The following IPCEF1 variants were observed in gnomAD, a reference collection of about 807,000 sequenced individuals.
IPCEF1 encodes the protein interaction protein for cytohesin exchange factors 1.
A neutral mutation model predicts 50.9 loss-of-function variants in IPCEF1; 31 were observed. The observed-to-expected ratio is 0.61, with a 90% CI of 0.46 to 0.82. IPCEF1 has a LOEUF of 0.82. Among genes scored for constraint, IPCEF1 ranks in the 40% least tolerant of loss-of-function variants. IPCEF1 has a pLI of 0.00. For synonymous variants in IPCEF1, 181 were observed against 192.0 expected (o/e 0.94, Z 0.47); for missense variants, 458 against 514.0 (o/e 0.89, Z 1.05).
intron 5 of IPCEF1, among the ~76,000 whole-genome samples, chr6:154,239,353 G>A (rs1378791595): frequency 6.6e-6 from 1 of 152,036 alleles, no homozygotes; most frequent in Non-Finnish European, 1.5e-5. Context: ...ATAATTGTTA[G>A]AACACAATAA....
Position 154,198,631 on chromosome 6 carries a change from TACACAC to T in IPCEF1, c.910+1031_910+1036del, listed in dbSNP as rs3070838. ...ATTTACATACTTTTAAAATATTACA[TACACAC>T]ACACACACACACACACACACACACA... On this transcript the variant is annotated intron_variant, in intron 10 of 11. Transcript: ENST00000367220. 1.8e-3 allele frequency among the ~76,000 whole-genome samples: 257 copies of T among 146,790 alleles called. 2 individuals are homozygous for T. Among genetic ancestry groups the T allele is most frequent in the Middle Eastern group, 0.01 (3 of 290 alleles).
At chr6:154,355,298 A>G (rs1323959061) in intron 1 of IPCEF1, among the ~76,000 whole-genome samples, 1 of 152,218 alleles carries the variant, frequency 6.6e-6, no homozygotes, top group Non-Finnish European at 1.5e-5. Flanking sequence ...CTTGCCTGAA[A>G]TAGTTCATAC....
chr6:154,158,726 T>G lies in IPCEF1; in HGVS notation c.*1102A>C, dbSNP rs1798811891. The G allele has an allele frequency of 6.6e-6, 1 of 152,182 alleles. No homozygotes were observed. Among genetic ancestry groups the G allele is most frequent in the African/African-American group, 2.4e-5 (1 of 41,440 alleles). 9.4% of individuals were successfully genotyped at this position (152,182 alleles called of 1,614,324 possible). On this transcript the variant is annotated 3_prime_UTR_variant, in exon 12 of 12. Transcript: ENST00000367220. ...TTTTTCTCAAGCAAAAAGTATAGAC[T>G]CATCAAATATATACTAAGCACAATA... is the stretch of plus-strand genomic sequence containing the variant.
intron 9 of IPCEF1, among the ~76,000 whole-genome samples, chr6:154,203,428 G>A (rs1047245955): frequency 6.6e-6 from 1 of 152,142 alleles, no homozygotes; most frequent in African/African-American, 2.4e-5. Context: ...AAACTGCACA[G>A]GTCCACTTAA....
intron 1 of IPCEF1, among the ~76,000 whole-genome samples, chr6:154,303,885 C>A (rs1310869931): frequency 6.6e-6 from 1 of 152,138 alleles, no homozygotes; most frequent in East Asian, 1.9e-4. Context: ...TGTGCCACTG[C>A]ACTCCAGCCT....
At chr6:154,177,225 T>C (rs1414856734) in intron 10 of IPCEF1, among the ~76,000 whole-genome samples, 1 of 152,170 alleles carries the variant, frequency 6.6e-6, no homozygotes, top group Non-Finnish European at 1.5e-5. Flanking sequence ...GACATAGGCA[T>C]GGGCAAAGAC....
chr6:154,295,351 C>T (rs1356440892), intron 1 of IPCEF1, among the ~76,000 whole-genome samples: 1 of 152,230 alleles, frequency 6.6e-6, no homozygotes, highest in Non-Finnish European at 1.5e-5. Context: ...ACTGCCCTGG[C>T]ATCTGCCGCT....
intron 3 of IPCEF1, among the ~76,000 whole-genome samples, chr6:154,260,628 A>G (rs6913623): frequency 0.026 from 3,959 of 152,022 alleles, 178 homozygotes; most frequent in African/African-American, 0.091. Flanking sequence ...ACACGCCACC[A>G]CACCCAGCTA....
In IPCEF1 at chr6:154,333,890, T is replaced by C. The variant is rs143415867; in HGVS notation, c.-62+22782A>G. 3.5e-3 allele frequency among the ~76,000 whole-genome samples: 531 copies of C among 152,096 alleles called. 1 individual carries two copies. Among genetic ancestry groups the C allele is most frequent in the African/African-American group, 0.012 (497 of 41,472 alleles). On this transcript the variant is annotated intron_variant, in intron 1 of 11. Coordinates refer to ENST00000367220, the MANE Select transcript of IPCEF1 (RefSeq NM_001130700.2). ...ACTGCCCCTCCACCCTAATATCTCA[T>C]ACAACATGCAAGGGCTTAACAGAAA...
At chr6:154,271,080 T>C (rs1781890859) in intron 2 of IPCEF1, among the ~76,000 whole-genome samples, 1 of 150,822 alleles carries the variant, frequency 6.6e-6, no homozygotes. Context: ...GTAATAGGAC[T>C]TGGCACAGTG....
chr6:154,250,123 GA>G, intron 3 of IPCEF1, among the ~76,000 whole-genome samples: 1 of 152,158 alleles, frequency 6.6e-6, no homozygotes, highest in Admixed American at 6.5e-5. Context: ...TGGTTTATAT[GA>G]GACAGTGAAA....
chr6:154,313,932 CA>C (rs1783149596), intron 1 of IPCEF1, among the ~76,000 whole-genome samples: 1 of 151,664 alleles, frequency 6.6e-6, no homozygotes, highest in Admixed American at 6.6e-5. Flanking sequence ...ATTTCTTGTA[CA>C]AATGGGATCC....
intron 5 of IPCEF1, among the ~76,000 whole-genome samples, chr6:154,246,231 T>G (rs1379683828): frequency 6.6e-6 from 1 of 152,204 alleles, no homozygotes; most frequent in African/African-American, 2.4e-5. Flanking sequence ...AGAGAGACCT[T>G]AACTATGTAA....
chr6:154,286,857 CA>C (rs1223944499), intron 2 of IPCEF1, among the ~76,000 whole-genome samples: 2 of 152,350 alleles, frequency 1.3e-5, no homozygotes, highest in East Asian at 3.9e-4. Context: ...GATCATTCAT[CA>C]CCACGTGATA....
At chr6:154,231,131 GAAC>G in intron 5 of IPCEF1, among the ~76,000 whole-genome samples, 1 of 152,320 alleles carries the variant, frequency 6.6e-6, no homozygotes, top group South Asian at 2.1e-4. Context: ...TGCCGCCTTA[GAAC>G]AGTTGTCTCT....
At chr6:154,332,329 A>G (rs1783692912) in intron 1 of IPCEF1, among the ~76,000 whole-genome samples, 1 of 146,494 alleles carries the variant, frequency 6.8e-6, no homozygotes, top group South Asian at 2.2e-4. Flanking sequence ...AGATAGGGTC[A>G]TGCTATGTTG....
At chr6:154,249,789 A>G (rs1781291828) in intron 3 of IPCEF1, among the ~76,000 whole-genome samples, 1 of 151,966 alleles carries the variant, frequency 6.6e-6, no homozygotes, top group Non-Finnish European at 1.5e-5. Context: ...GAAAGCCCCA[A>G]AATGTGAGCT....
intron 1 of IPCEF1, among the ~76,000 whole-genome samples, chr6:154,344,162 C>A (rs575792586): frequency 6.6e-6 from 1 of 152,220 alleles, no homozygotes. Flanking sequence ...CTCCCTCTGT[C>A]TGTGTACAGG....
chr6:154,348,815 T>G (rs901701467), intron 1 of IPCEF1, among the ~76,000 whole-genome samples: 4 of 152,212 alleles, frequency 2.6e-5, no homozygotes, highest in African/African-American at 9.6e-5. Context: ...TCTATTAGAA[T>G]AGTAGAATCT....
Sources: gnomAD v4.1 joint callset for allele counts (sites outside exome capture counted in the v4.1 genomes callset) on GRCh38, gnomAD v4.1.1 for gene constraint, MANE v1.5 for transcripts, NCBI Gene and HGNC (gene_info 2026-07-23, HGNC 2026-07-21) for gene names.